SLC18B1: variants seen among roughly 807,000 people sequenced by gnomAD.
SLC18B1 encodes MFS-type transporter SLC18B1.
In SLC18B1, 62 loss-of-function variants were observed where a neutral mutation model predicts 53.9. That is an observed-to-expected ratio of 1.15 (90% CI 0.94 to 1.42). SLC18B1 has a LOEUF of 1.42. Ranked by LOEUF, SLC18B1 falls within the 40% of genes most tolerant of loss-of-function variation. SLC18B1 has a pLI of 0.00. For synonymous variants in SLC18B1, 217 were observed against 200.9 expected, an observed-to-expected ratio of 1.08 and a Z score of -0.68; for missense variants, 598 against 547.3, an observed-to-expected ratio of 1.09 and a Z score of -0.93.
intron 6 of SLC18B1, 47 bp downstream of exon 6, chr6:132,783,881 GGTATA>G: frequency 7.4e-7 from 1 of 1,356,112 alleles, no homozygotes; most frequent in Admixed American, 2.7e-5. Flanking sequence ...CTCTTACAAA[GGTATA>G]AAAATATATT....
At chr6:132,778,335 C>T (rs1386513708) in intron 7 of SLC18B1, among the ~76,000 whole-genome samples, 1 of 152,028 alleles carries the variant, frequency 6.6e-6, no homozygotes, top group Non-Finnish European at 1.5e-5. Flanking sequence ...TACTCACTGG[C>T]TAAAGGCAAT....
chr6:132,787,463 C>G lies in SLC18B1; in HGVS notation c.472G>C (p.Ala158Pro), dbSNP rs776539534. ...MTASSSILAKAFPNNVATVLG... is the reference protein window; with the variant it reads ...MTASSSILAKPFPNNVATVLG... ...ACCGTAGCCACGTTATTTGGAAAAG[C>G]CTTTGCCAGGATAGAAGAAGATGCA... Residue 158 changes from alanine (A) to proline (P), a missense_variant, in exon 5 of 14, where the codon GCT becomes CCT. Physicochemically the swap from Ala to Pro is conservative, Grantham distance 27. Coordinates refer to ENST00000275227, the MANE Select transcript of SLC18B1 (RefSeq NM_052831.3). The G allele has an allele frequency of 2.3e-5, 37 of 1,601,500 alleles. No individual in the cohort carries two copies. Among genetic ancestry groups the G allele is most frequent in the Middle Eastern group, 1.7e-4 (1 of 6,022 alleles).
rs777986415 is a variant in SLC18B1, at chr6:132,773,092, C to A, written c.990-4G>T. The A allele has an allele frequency of 1.2e-6, 2 of 1,608,614 alleles. No homozygotes were observed. Among genetic ancestry groups the A allele is most frequent in the African/African-American group, 1.3e-5 (1 of 74,770 alleles). Reference sequence around the variant, plus strand: ...CAGCACCAGCAGCCAGAGCTGACTGCAAAAGGGTTTTGGAGAAAACAAATA... The same window carrying A: ...CAGCACCAGCAGCCAGAGCTGACTGAAAAAGGGTTTTGGAGAAAACAAATA... On this transcript the variant is annotated splice_polypyrimidine_tract_variant and splice_region_variant and intron_variant, in intron 9 of 13. Coordinates refer to ENST00000275227, the MANE Select transcript of SLC18B1 (RefSeq NM_052831.3).
rs1781405580 is a variant in SLC18B1 at position 132,787,476 on chromosome 6, A to T, written c.459T>A (p.Ser153=). The part of the protein sequence containing the change: ...SFAAAMTASS[S]ILAKAFPNNV... ...TATTTGGAAAAGCCTTTGCCAGGAT[A>T]GAAGAAGATGCAGTCATTGCTGCAG... The change falls in exon 5 of 14, where the codon TCT becomes TCA. Residue 153 remains serine (S), a synonymous_variant. Transcript: ENST00000275227. 1 of 1,605,762 alleles carries T rather than the reference A, an allele frequency of 6.2e-7. No homozygotes were observed.
chr6:132,771,769 T>A (rs1582852039), intron 11 of SLC18B1, among the ~76,000 whole-genome samples: 1 of 152,308 alleles, frequency 6.6e-6, no homozygotes, highest in Admixed American at 6.5e-5. Context: ...AGGGATAGTA[T>A]TAATATTTTC....
intron 6 of SLC18B1, 128 bp downstream of exon 6, chr6:132,783,804 GA>G: frequency 4.0e-6 from 3 of 752,858 alleles, no homozygotes; most frequent in South Asian, 8.3e-5. Context: ...CTACATTACT[GA>G]AAAAAGAATC....
intron 6 of SLC18B1, among the ~76,000 whole-genome samples, chr6:132,782,244 C>G (rs1171137956): frequency 2.0e-5 from 3 of 150,728 alleles, no homozygotes. Context: ...GGATAACATT[C>G]ACATTTCATG....
At chr6:132,792,366 A>AAAAG in intron 2 of SLC18B1, among the ~76,000 whole-genome samples, 1 of 142,694 alleles carries the variant, frequency 7.0e-6, no homozygotes, top group Non-Finnish European at 1.5e-5. Flanking sequence ...GGAAAGAAAG[A>AAAAG]AAAGAAGGAA....
At chr6:132,772,568 T>A (rs948072852) in intron 10 of SLC18B1, among the ~76,000 whole-genome samples, 1 of 152,182 alleles carries the variant, frequency 6.6e-6, no homozygotes, top group South Asian at 2.1e-4. Flanking sequence ...CCATGAGAAC[T>A]ATTGAACTGA....
intron 6 of SLC18B1, among the ~76,000 whole-genome samples, chr6:132,783,024 C>T (rs959115971): frequency 2.0e-5 from 3 of 152,100 alleles, no homozygotes; most frequent in Admixed American, 6.5e-5. Flanking sequence ...ATCTGCCCGC[C>T]TCGGCCTCCC....
In SLC18B1 at chr6:132,783,933, C is replaced by A. The variant is rs201493860; in HGVS notation, c.658G>T (p.Glu220Ter). The A allele has an allele frequency of 1.3e-5, 21 of 1,581,816 alleles. No homozygotes were observed. The East Asian group carries it at 4.1e-4, about 31-fold the overall frequency. Reference protein sequence around the residue: ...PLNMYILPNYESDPGEHSFWK... With the variant: ...PLNMYILPNY Reference sequence around the variant, plus strand: ...AAATGAGTAATAAGTGTGGACTTACCGTAATTGGGTAAAATATACATATTG... The same window carrying A: ...AAATGAGTAATAAGTGTGGACTTACAGTAATTGGGTAAAATATACATATTG... The change falls in exon 6 of 14, where the codon GAG becomes TAG. Residue 220 changes from glutamate (E) to a stop codon, truncating the protein, a stop_gained and splice_region_variant. Transcript: ENST00000275227. LOFTEE classifies it high-confidence loss of function.
chr6:132,780,895 TG>T (rs1292499474), intron 6 of SLC18B1, among the ~76,000 whole-genome samples: 1 of 152,026 alleles, frequency 6.6e-6, no homozygotes, highest in Non-Finnish European at 1.5e-5. Context: ...AAGTATTCAA[TG>T]GTGAAATAAA....
chr6:132,797,099 T>A lies in SLC18B1; in HGVS notation c.66A>T (p.Ala22=). ...TCGAAAGCCACCCGGGGGTCTCTCC[T>A]GCACTTCCTGCAGGATCATCACCTT... The part of the protein sequence containing the change: ...APGGDDPAGS[A]GETPGWLSRE... Residue 22 remains alanine (A), a synonymous_variant, in exon 2 of 14, where the codon GCA becomes GCT. Transcript: ENST00000275227. The A allele has an allele frequency of 1.2e-6, 2 of 1,613,824 alleles. No individual in the cohort carries two copies. Among genetic ancestry groups the A allele is most frequent in the Non-Finnish European group, 1.7e-6 (2 of 1,179,952 alleles).
At chr6:132,777,849 T>A (rs1315611710) in intron 7 of SLC18B1, among the ~76,000 whole-genome samples, 1 of 152,248 alleles carries the variant, frequency 6.6e-6, no homozygotes, top group East Asian at 1.9e-4. Context: ...AGGTTGTTGA[T>A]GATCTAAATG....
At chr6:132,792,288 A>AAAGG (rs1167820594) in intron 2 of SLC18B1, among the ~76,000 whole-genome samples, 1,003 of 39,838 alleles carry the variant, frequency 0.025, 25 homozygotes, top group Middle Eastern at 0.051. Context: ...AGAAAGGAAG[A>AAAGG]AAGGAAGGAA....
At chr6:132,787,391 C>T in intron 5 of SLC18B1, 43 bp downstream of exon 5, 1 of 1,490,040 alleles carries the variant, frequency 6.7e-7, no homozygotes. Flanking sequence ...AATATTTTGG[C>T]CTACACTCAA....
At chr6:132,790,947 T>C (rs1186220279) in intron 2 of SLC18B1, among the ~76,000 whole-genome samples, 1 of 152,198 alleles carries the variant, frequency 6.6e-6, no homozygotes, top group Non-Finnish European at 1.5e-5. Flanking sequence ...GCTCCTAAAA[T>C]TTGCTACAGA....
chr6:132,797,184 G>A, intron 1 of SLC18B1, 63 bp from the exon 2 acceptor site: 1 of 1,589,786 alleles, frequency 6.3e-7, no homozygotes, highest in Non-Finnish European at 8.6e-7. Flanking sequence ...GTACACAAAT[G>A]TGATTTCTGT....
chr6:132,793,143 A>G (rs1201938601), intron 2 of SLC18B1, among the ~76,000 whole-genome samples: 1 of 152,152 alleles, frequency 6.6e-6, no homozygotes, highest in Non-Finnish European at 1.5e-5. Flanking sequence ...TAAATAAATA[A>G]GCAATTTCTG....
Sources: allele counts gnomAD v4.1 joint callset (sites outside exome capture counted in the v4.1 genomes callset), GRCh38; gene constraint gnomAD v4.1.1; transcripts MANE v1.5; gene names NCBI Gene and HGNC (gene_info 2026-07-23, HGNC 2026-07-21).